Variants in OCA2 observed in about 807,000 individuals in gnomAD.
The protein encoded by OCA2 is OCA2 melanosomal transmembrane protein, also known as P protein.
Under a neutral mutation model 100.2 loss-of-function variants are expected in OCA2, and 77 were observed. The ratio of observed to expected loss-of-function variants is 0.77; its 90% CI spans 0.64 to 0.93. The LOEUF (loss-of-function observed/expected upper bound fraction) is 0.93, where lower values mean the gene tolerates loss of function less well. OCA2 is among the 40% of genes least tolerant of loss of function. The pLI is 0.00. For synonymous variants in OCA2, 432 were observed against 439.2 expected, an observed-to-expected ratio of 0.98 and a Z score of 0.21; for missense variants, 1,062 against 1,089.1, an observed-to-expected ratio of 0.98 and a Z score of 0.35.
intron 23 of OCA2, among the ~76,000 whole-genome samples, chr15:27,814,031 C>A (rs1215185308): frequency 6.6e-6 from 1 of 152,084 alleles, no homozygotes; most frequent in African/African-American, 2.4e-5. Context: ...TCTATCTTTT[C>A]TTTATGCTAG....
intron 19 of OCA2, chr15:27,896,081 C>T: frequency 8.5e-7 from 1 of 1,183,342 alleles, no homozygotes; most frequent in Non-Finnish European, 1.2e-6. Flanking sequence ...GCAAGGAATA[C>T]AATGTGGAAA....
intron 2 of OCA2, among the ~76,000 whole-genome samples, chr15:28,078,273 CT>C: frequency 6.6e-6 from 1 of 152,330 alleles, no homozygotes; most frequent in East Asian, 1.9e-4. Context: ...CCATTTCCAA[CT>C]TTTTCACAAC....
chr15:27,967,024 G>A (rs375147619), intron 14 of OCA2, among the ~76,000 whole-genome samples: 3 of 152,310 alleles, frequency 2.0e-5, no homozygotes, highest in East Asian at 3.9e-4. Flanking sequence ...CAGCTACTCG[G>A]GAGGCTGAGG....
At chr15:28,059,488 C>T (rs145665173) in intron 2 of OCA2, among the ~76,000 whole-genome samples, 2,154 of 152,266 alleles carry the variant, frequency 0.014, 43 homozygotes, top group African/African-American at 0.049. Context: ...ATGCAGTGAG[C>T]TATGACTGCA....
intron 12 of OCA2, among the ~76,000 whole-genome samples, chr15:27,985,695 ATTT>A (rs397958352): frequency 1.4e-5 from 2 of 145,340 alleles, no homozygotes; most frequent in Non-Finnish European, 1.5e-5. Flanking sequence ...TTGTTGAGTA[ATTT>A]TTTTTTTTTT....
intron 19 of OCA2, among the ~76,000 whole-genome samples, chr15:27,914,370 G>A (rs2038584267): frequency 6.6e-6 from 1 of 152,030 alleles, no homozygotes; most frequent in Admixed American, 6.6e-5. Context: ...AGAGCAATCA[G>A]GCAACAGTAA....
At chr15:27,852,798 T>C (rs1369528797) in intron 21 of OCA2, among the ~76,000 whole-genome samples, 1 of 118,738 alleles carries the variant, frequency 8.4e-6, no homozygotes, top group Non-Finnish European at 1.8e-5. Flanking sequence ...AAGACATTTA[T>C]GCAGCCAAAA....
chr15:27,722,320 A>C, the OCA2 span, among the ~76,000 whole-genome samples: 1 of 152,126 alleles, frequency 6.6e-6, no homozygotes, highest in Admixed American at 6.5e-5. Flanking sequence ...CTTGGATTTG[A>C]ACTGCTCAGT....
chr15:27,814,488 A>T (rs1419034722), intron 23 of OCA2, among the ~76,000 whole-genome samples: 2 of 152,242 alleles, frequency 1.3e-5, no homozygotes, highest in Non-Finnish European at 2.9e-5. Flanking sequence ...GAAACTTGAA[A>T]CTACTAAAGT....
chr15:28,027,600 A>C (rs574951126), intron 4 of OCA2, among the ~76,000 whole-genome samples: 10 of 152,300 alleles, frequency 6.6e-5, no homozygotes, highest in Admixed American at 3.3e-4. Flanking sequence ...ATGGCCATGA[A>C]GACCCCAGCC....
intron 19 of OCA2, among the ~76,000 whole-genome samples, chr15:27,920,481 A>T (rs1307156881): frequency 1.3e-5 from 2 of 152,146 alleles, no homozygotes; most frequent in Non-Finnish European, 2.9e-5. Context: ...AAAATTTCTA[A>T]TTTTTTACAA....
At chr15:28,090,446 G>A (rs570265700) in intron 1 of OCA2, among the ~76,000 whole-genome samples, 2 of 152,160 alleles carry the variant, frequency 1.3e-5, no homozygotes, top group East Asian at 3.9e-4. Flanking sequence ...CTACACTTTG[G>A]ACCATAAACC....
At chr15:27,758,214 G>A (rs1006958075) in intron 23 of OCA2, among the ~76,000 whole-genome samples, 7 of 152,090 alleles carry the variant, frequency 4.6e-5, no homozygotes, top group African/African-American at 7.2e-5. Context: ...AAGCTGATAC[G>A]TCAGTGGGTA....
chr15:28,090,747 C>T (rs74007949), intron 1 of OCA2, among the ~76,000 whole-genome samples: 3,546 of 151,786 alleles, frequency 0.023, 131 homozygotes, highest in African/African-American at 0.08. Context: ...GAGCAAGTCT[C>T]AAAAATAATA....
At chr15:27,888,032 T>C (rs1007018198) in intron 19 of OCA2, among the ~76,000 whole-genome samples, 23 of 152,072 alleles carry the variant, frequency 1.5e-4, no homozygotes, top group African/African-American at 5.6e-4. Flanking sequence ...ACATGGCTCA[T>C]GAAATGTTCT....
intron 19 of OCA2, among the ~76,000 whole-genome samples, chr15:27,919,387 TG>T (rs1374609205): frequency 3.3e-5 from 5 of 152,156 alleles, no homozygotes; most frequent in Non-Finnish European, 7.4e-5. Flanking sequence ...TAAGTCATGG[TG>T]GGTGGACAAA....
At chr15:27,952,267 TGA>T (rs2040057163) in intron 17 of OCA2, among the ~76,000 whole-genome samples, 1 of 152,156 alleles carries the variant, frequency 6.6e-6, no homozygotes, top group Admixed American at 6.5e-5. Context: ...CACGGAACTG[TGA>T]CTCCCAGATA....
At chr15:28,058,604 TG>T (rs2043776970) in intron 2 of OCA2, among the ~76,000 whole-genome samples, 1 of 152,164 alleles carries the variant, frequency 6.6e-6, no homozygotes, top group African/African-American at 2.4e-5. Context: ...CTCAGAGAGA[TG>T]GGGTGGTGCC....
At chr15:27,978,677 G>T (rs924893348) in intron 14 of OCA2, among the ~76,000 whole-genome samples, 32 of 151,948 alleles carry the variant, frequency 2.1e-4, no homozygotes, top group East Asian at 1.4e-3. Flanking sequence ...TATATAGAGA[G>T]AGAGAGAGAG....
Sources: gnomAD v4.1 joint callset for allele counts (sites outside exome capture counted in the v4.1 genomes callset) on GRCh38, gnomAD v4.1.1 for gene constraint, MANE v1.5 for transcripts, NCBI Gene and HGNC (gene_info 2026-07-23, HGNC 2026-07-21) for gene names.